ENOX1: variants seen among roughly 807,000 people sequenced by gnomAD.
The protein encoded by ENOX1 is ecto-NOX disulfide-thiol exchanger 1.
A neutral mutation model predicts 82.5 loss-of-function variants in ENOX1; 42 were observed. The ratio of observed to expected loss-of-function variants is 0.51; its 90% CI spans 0.40 to 0.66. ENOX1 has a LOEUF of 0.66. Ranked by LOEUF, ENOX1 falls within the 30% of genes least tolerant of loss-of-function variation. The pLI is 0.00. For synonymous variants in ENOX1, 271 were observed against 282.2 expected (o/e 0.96, Z 0.40); for missense variants, 608 against 811.6 (o/e 0.75, Z 3.05).
At chr13:43,268,999 T>C (rs865848629) in intron 13 of ENOX1, among the ~76,000 whole-genome samples, 2 of 152,350 alleles carry the variant, frequency 1.3e-5, no homozygotes, top group Non-Finnish European at 1.5e-5. Context: ...AAACTTCATA[T>C]AAAAGGTCTG....
chr13:43,288,413 G>A (rs1005545312), intron 12 of ENOX1, among the ~76,000 whole-genome samples: 2 of 152,084 alleles, frequency 1.3e-5, no homozygotes, highest in South Asian at 2.1e-4. Flanking sequence ...AGATAAACAT[G>A]GGGTATGTCT....
chr13:43,560,299 G>A (rs955556585), intron 2 of ENOX1, among the ~76,000 whole-genome samples: 8 of 151,882 alleles, frequency 5.3e-5, no homozygotes, highest in Admixed American at 3.3e-4. Context: ...TAAAAAATAC[G>A]CAATATGTCT....
chr13:43,650,269 T>A (rs962994388), intron 2 of ENOX1, among the ~76,000 whole-genome samples: 1 of 152,224 alleles, frequency 6.6e-6, no homozygotes, highest in Non-Finnish European at 1.5e-5. Context: ...ATATTTTAGC[T>A]TTTGAAGACC....
At chr13:43,416,815 C>T (rs1031847166) in intron 3 of ENOX1, among the ~76,000 whole-genome samples, 5 of 152,158 alleles carry the variant, frequency 3.3e-5, no homozygotes, top group Admixed American at 6.5e-5. Context: ...GGGTGGCGGC[C>T]GGGCAGAGGC....
intron 1 of ENOX1, among the ~76,000 whole-genome samples, chr13:43,698,017 A>C (rs1212447648): frequency 6.6e-6 from 1 of 152,228 alleles, no homozygotes; most frequent in Non-Finnish European, 1.5e-5. Flanking sequence ...AAGAAGGAAG[A>C]GAGAAAAAGA....
chr13:43,574,562 GT>G (rs1364138832), intron 2 of ENOX1, among the ~76,000 whole-genome samples: 1 of 152,156 alleles, frequency 6.6e-6, no homozygotes, highest in Non-Finnish European at 1.5e-5. Context: ...CATGCATACT[GT>G]TTCAAAAGTT....
chr13:43,274,769 T>C (rs954279822), intron 12 of ENOX1, among the ~76,000 whole-genome samples: 1 of 152,212 alleles, frequency 6.6e-6, no homozygotes, highest in Admixed American at 6.5e-5. Context: ...GGGCGGACCA[T>C]AAGCAGGTAA....
At chr13:43,772,749 T>TAAAAAAAAAAAAAAAAAA (rs35359203) in intron 1 of ENOX1, among the ~76,000 whole-genome samples, 55 of 112,050 alleles carry the variant, frequency 4.9e-4, no homozygotes, top group African/African-American at 1.9e-3. Flanking sequence ...ACTCTGTCTT[T>TAAAAAAAAAAAAAAAAAA]AAAAAAAAAA....
intron 2 of ENOX1, chr13:43,545,023 C>T (rs961652383): frequency 6.6e-6 from 1 of 152,230 alleles, no homozygotes; most frequent in Non-Finnish European, 1.5e-5. Context: ...ACATAAACAA[C>T]ACATATCCCT....
intron 5 of ENOX1, among the ~76,000 whole-genome samples, chr13:43,379,823 G>T (rs2051904034): frequency 6.6e-6 from 1 of 151,640 alleles, no homozygotes; most frequent in Admixed American, 6.6e-5. Flanking sequence ...AGAATAGAAG[G>T]CACAAGAAAC....
At chr13:43,284,897 G>A (rs2045603804) in intron 12 of ENOX1, among the ~76,000 whole-genome samples, 1 of 151,870 alleles carries the variant, frequency 6.6e-6, no homozygotes, top group Admixed American at 6.6e-5. Context: ...GAGAGGTAAT[G>A]AGAGGCAATT....
intron 2 of ENOX1, among the ~76,000 whole-genome samples, chr13:43,540,977 C>T (rs1056078267): frequency 2.0e-5 from 3 of 152,032 alleles, no homozygotes; most frequent in African/African-American, 7.2e-5. Context: ...AATTCTAAAT[C>T]AATCAACAGG....
chr13:43,599,161 C>A (rs1311148131), intron 2 of ENOX1, among the ~76,000 whole-genome samples: 1 of 152,028 alleles, frequency 6.6e-6, no homozygotes, highest in Non-Finnish European at 1.5e-5. Context: ...CCTTCAGGAA[C>A]ACAAAATTGG....
At chr13:43,273,785 AAGTT>A (rs1297963142) in intron 12 of ENOX1, among the ~76,000 whole-genome samples, 7 of 152,192 alleles carry the variant, frequency 4.6e-5, no homozygotes, top group African/African-American at 1.7e-4. Flanking sequence ...CACTGAAGCA[AAGTT>A]AGTTCATCTA....
intron 2 of ENOX1, among the ~76,000 whole-genome samples, chr13:43,622,894 C>A (rs2082802201): frequency 6.6e-6 from 1 of 152,066 alleles, no homozygotes; most frequent in Non-Finnish European, 1.5e-5. Context: ...CAGGGCTAGG[C>A]ATGTCTGAGC....
rs183527247 is a variant in ENOX1, at chr13:43,338,472, C to T, written c.1036+6066G>A. 7.9e-5 allele frequency among the ~76,000 whole-genome samples: 12 copies of T among 152,036 alleles called. 1 individual carries two copies. Among genetic ancestry groups the T allele is most frequent in the African/African-American group, 2.4e-4 (10 of 41,474 alleles). Reference sequence around the variant, plus strand: ...CATGACAAAGATGATTTACCTGTTCCGAATTTTTTTTTCTCTTTCTTCTAT... The same window carrying T: ...CATGACAAAGATGATTTACCTGTTCTGAATTTTTTTTTCTCTTTCTTCTAT... On this transcript the variant is annotated intron_variant, in intron 9 of 16. Transcript: ENST00000690772.
chr13:43,380,099 CTT>C (rs1409210689), intron 5 of ENOX1, among the ~76,000 whole-genome samples: 1 of 151,608 alleles, frequency 6.6e-6, no homozygotes, highest in African/African-American at 2.4e-5. Context: ...GACAGAAAAA[CTT>C]TTTCTGACAT....
intron 14 of ENOX1, among the ~76,000 whole-genome samples, chr13:43,262,799 T>C (rs2044153091): frequency 6.6e-6 from 1 of 152,172 alleles, no homozygotes; most frequent in East Asian, 1.9e-4. Flanking sequence ...TATTGATGCA[T>C]GAAGAGAGAA....
chr13:43,320,156 G>C (rs539974044), intron 11 of ENOX1, among the ~76,000 whole-genome samples: 16 of 152,212 alleles, frequency 1.1e-4, no homozygotes, highest in Non-Finnish European at 2.1e-4. Flanking sequence ...TCAGGGCCCC[G>C]TGGAATAAAA....
Sources: allele counts gnomAD v4.1 joint callset (sites outside exome capture counted in the v4.1 genomes callset), GRCh38; gene constraint gnomAD v4.1.1; transcripts MANE v1.5; gene names NCBI Gene and HGNC (gene_info 2026-07-23, HGNC 2026-07-21).